Variants in NCAM1 observed in about 807,000 individuals in gnomAD.
The protein encoded by NCAM1 is antigen recognized by monoclonal antibody 5.1H11.
NCAM1 carries 14 observed loss-of-function variants against 109.8 expected under a neutral mutation model. That is an observed-to-expected ratio of 0.13 (90% CI 0.08 to 0.20). The LOEUF is 0.20. Among genes scored for constraint, NCAM1 ranks in the 10% least tolerant of loss-of-function variants. The pLI is 1.00. For synonymous variants in NCAM1, 418 were observed against 442.9 expected (o/e 0.94, Z 0.70); for missense variants, 774 against 1,109.9 (o/e 0.70, Z 4.30).
intron 1 of NCAM1, among the ~76,000 whole-genome samples, chr11:113,129,120 GGAAGAGCCACCA>G (rs1555097822): frequency 1.3e-5 from 2 of 152,050 alleles, no homozygotes; most frequent in African/African-American, 2.4e-5. Context: ...GTGAAGTCTG[GGAAGAGCCACCA>G]GAATAACAGC....
intron 1 of NCAM1, among the ~76,000 whole-genome samples, chr11:113,122,564 ACC>A (rs1283766543): frequency 6.6e-6 from 1 of 152,160 alleles, no homozygotes; most frequent in African/African-American, 2.4e-5. Context: ...CAGGCGGATC[ACC>A]TGAGGTCGGG....
At chr11:113,046,473 C>T (rs1953269879) in intron 1 of NCAM1, among the ~76,000 whole-genome samples, 1 of 152,174 alleles carries the variant, frequency 6.6e-6, no homozygotes, top group South Asian at 2.1e-4. Context: ...CTCTCAGTTA[C>T]CTTAAATTGA....
intron 1 of NCAM1, among the ~76,000 whole-genome samples, chr11:113,014,033 A>C: frequency 6.6e-6 from 1 of 152,256 alleles, no homozygotes; most frequent in African/African-American, 2.4e-5. Flanking sequence ...TTCTTTGTTA[A>C]GAAATAGCTC....
In NCAM1 at chr11:113,195,455, C is replaced by CCACACA. The variant is rs10642528; in HGVS notation, c.53-6907_53-6902dup. On this transcript the variant is annotated intron_variant, in intron 1 of 19. Transcript: ENST00000316851. The stretch of plus-strand genomic sequence containing the variant: ...ACATACACAAAAATGTAAATACACA[C>CCACACA]CACACACACACACACACACACAAAC... 3.9e-3 allele frequency among the ~76,000 whole-genome samples: 549 copies of CCACACA among 141,560 alleles called. 4 individuals are homozygous for CCACACA. The highest frequency in any genetic ancestry group is 0.013 in the Admixed American group (187 of 13,854). The allele number at this position is 141,560 out of a possible 152,430, so 92.9% of individuals were successfully genotyped here.
intron 1 of NCAM1, among the ~76,000 whole-genome samples, chr11:113,006,808 G>A (rs1951903791): frequency 6.6e-6 from 1 of 152,210 alleles, no homozygotes; most frequent in African/African-American, 2.4e-5. Context: ...CCGTGGGACA[G>A]GTGGTGGAAC....
intron 1 of NCAM1, among the ~76,000 whole-genome samples, chr11:113,038,789 C>T (rs558255066): frequency 1.3e-5 from 2 of 152,314 alleles, no homozygotes; most frequent in South Asian, 2.1e-4. Flanking sequence ...TGCTTTGCTT[C>T]TGCCATTTCT....
chr11:113,190,167 A>C (rs1370396443), intron 1 of NCAM1, among the ~76,000 whole-genome samples: 1 of 152,224 alleles, frequency 6.6e-6, no homozygotes, highest in Non-Finnish European at 1.5e-5. Flanking sequence ...GAGCAGCCAG[A>C]GGCCCTTGCT....
At chr11:113,096,272 A>G (rs1939592758) in intron 1 of NCAM1, among the ~76,000 whole-genome samples, 1 of 152,210 alleles carries the variant, frequency 6.6e-6, no homozygotes, top group Non-Finnish European at 1.5e-5. Context: ...CTGAAATAGA[A>G]TTGACAAAAT....
rs116933672 is a variant in NCAM1, at chr11:112,977,955, G to T, written c.52+16291G>T. On this transcript the variant is annotated intron_variant, in intron 1 of 19. Transcript: ENST00000316851. Reference sequence around the variant, plus strand: ...AAAAGGGTTTTTATTCCATTCAAGTGGAAAAGCTGAATACTGGAGAATTAG... The same window carrying T: ...AAAAGGGTTTTTATTCCATTCAAGTTGAAAAGCTGAATACTGGAGAATTAG... Among the ~76,000 whole-genome samples, 35 of 151,948 alleles carry T rather than the reference G, an allele frequency of 2.3e-4. No individual in the cohort carries two copies. The East Asian group carries it at 5.8e-3, about 25-fold the overall frequency.
intron 16 of NCAM1, among the ~76,000 whole-genome samples, chr11:113,258,010 AC>A (rs1355182286): frequency 1.3e-5 from 2 of 152,202 alleles, no homozygotes; most frequent in East Asian, 1.9e-4. Flanking sequence ...GCTAGTGCAA[AC>A]CCTTTTGCCT....
intron 1 of NCAM1, among the ~76,000 whole-genome samples, chr11:112,982,039 C>T (rs755854698): frequency 6.6e-6 from 1 of 151,830 alleles, no homozygotes; most frequent in Non-Finnish European, 1.5e-5. Flanking sequence ...ACTTTTCCTC[C>T]GCAAGAAGTT....
intron 1 of NCAM1, among the ~76,000 whole-genome samples, chr11:113,119,974 C>T (rs201857416): frequency 2.0e-5 from 3 of 152,160 alleles, no homozygotes; most frequent in Admixed American, 1.3e-4. Flanking sequence ...GGCTTTGCTA[C>T]TTAAACTAAA....
At chr11:113,038,546 A>G (rs1952966644) in intron 1 of NCAM1, among the ~76,000 whole-genome samples, 1 of 152,288 alleles carries the variant, frequency 6.6e-6, no homozygotes, top group African/African-American at 2.4e-5. Context: ...TTTGTTCACC[A>G]TTGGTATCCC....
intron 1 of NCAM1, among the ~76,000 whole-genome samples, chr11:113,087,186 A>G (rs986900664): frequency 6.6e-6 from 1 of 152,182 alleles, no homozygotes; most frequent in Admixed American, 6.5e-5. Flanking sequence ...ATAGTTGGTA[A>G]TGCATATGAG....
At chr11:113,041,076 A>T (rs2135422754) in intron 1 of NCAM1, 1 of 152,368 alleles carries the variant, frequency 6.6e-6, no homozygotes, top group South Asian at 2.1e-4. Flanking sequence ...AGCTACAAGG[A>T]AATGTCATTG....
chr11:113,152,014 C>G (rs913855312), intron 1 of NCAM1, among the ~76,000 whole-genome samples: 4 of 152,206 alleles, frequency 2.6e-5, no homozygotes, highest in Admixed American at 1.3e-4. Context: ...TAAAACTTGC[C>G]TGTGACACAC....
intron 1 of NCAM1, among the ~76,000 whole-genome samples, chr11:113,051,137 G>A (rs868986923): frequency 1.3e-5 from 2 of 152,174 alleles, no homozygotes; most frequent in African/African-American, 4.8e-5. Flanking sequence ...AAGAGCATTT[G>A]TGGTACTTGT....
intron 1 of NCAM1, among the ~76,000 whole-genome samples, chr11:113,189,237 G>A (rs1253033236): frequency 6.6e-6 from 1 of 152,002 alleles, no homozygotes; most frequent in African/African-American, 2.4e-5. Context: ...AGATCACAAG[G>A]TCAGGAATTT....
At chr11:113,163,787 G>A (rs113053686) in intron 1 of NCAM1, among the ~76,000 whole-genome samples, 2 of 152,180 alleles carry the variant, frequency 1.3e-5, no homozygotes, top group Non-Finnish European at 2.9e-5. Context: ...CCCTGAAGAC[G>A]TAAGTGTCCA....
Sources: gnomAD v4.1 joint callset for allele counts (sites outside exome capture counted in the v4.1 genomes callset) on GRCh38, gnomAD v4.1.1 for gene constraint, MANE v1.5 for transcripts, NCBI Gene and HGNC (gene_info 2026-07-23, HGNC 2026-07-21) for gene names.